Variants in TRIM9 observed in about 807,000 individuals in gnomAD.
TRIM9 encodes E3 ubiquitin-protein ligase TRIM9.
Under a neutral mutation model 78.3 loss-of-function variants are expected in TRIM9, and 26 were observed. The observed-to-expected ratio is 0.33, with a 90% CI of 0.24 to 0.46. The LOEUF (loss-of-function observed/expected upper bound fraction) is 0.46, where lower values mean the gene tolerates loss of function less well. TRIM9 is among the 20% of genes least tolerant of loss of function. The pLI, the probability that TRIM9 is intolerant of heterozygous loss-of-function variation, is 1.00. For missense variants in TRIM9, 787 were observed against 1,036.4 expected (o/e 0.76, Z 3.30); for synonymous variants, 398 against 416.5 (o/e 0.96, Z 0.54).
Position 51,094,936 on chromosome 14 carries a change from C to T in TRIM9, c.4G>A (p.Glu2Lys). 1 of 1,483,350 alleles carries T rather than the reference C, an allele frequency of 6.7e-7. No individual in the cohort carries two copies. Among genetic ancestry groups the T allele is most frequent in the Non-Finnish European group, 9.0e-7 (1 of 1,117,074 alleles). The allele number at this position is 1,483,350 out of a possible 1,614,324, so 91.9% of individuals were successfully genotyped here. A position where few individuals can be genotyped will look rare whatever the true frequency, so the allele number is the denominator to read the frequency against. The change falls in exon 1 of 13, where the codon GAG becomes AAG. Residue 2 changes from glutamate (E) to lysine (K), a missense_variant. Transcript: ENST00000684578. ...CATTTCAACTCCTCTTCCATCTCCT[C>T]CATGGGGACCGGTCTGGGAGGAGAC... MEEMEEELKCPV... is the reference protein window; with the variant it reads MKEMEEELKCPV...
chr14:51,027,349 G>A (rs2058345872), intron 1 of TRIM9, among the ~76,000 whole-genome samples: 1 of 151,856 alleles, frequency 6.6e-6, no homozygotes, highest in Non-Finnish European at 1.5e-5. Flanking sequence ...TCTCCATGTT[G>A]GCCAGGCTGG....
At chr14:51,025,419 A>ACACAGGT in intron 1 of TRIM9, 59 bp from the exon 2 acceptor site, 27 of 1,441,822 alleles carry the variant, frequency 1.9e-5, no homozygotes, top group Admixed American at 7.0e-5. Context: ...CAACAAGGCC[A>ACACAGGT]GCGAGACTCA....
At chr14:51,015,599 A>C (rs2139690391) in intron 3 of TRIM9, among the ~76,000 whole-genome samples, 1 of 136,410 alleles carries the variant, frequency 7.3e-6, no homozygotes, top group South Asian at 2.3e-4. Context: ...CCACAGCCTC[A>C]ACCTCCTGGG....
At chr14:51,016,634 A>G (rs1425140977) in intron 3 of TRIM9, among the ~76,000 whole-genome samples, 3 of 152,058 alleles carry the variant, frequency 2.0e-5, no homozygotes, top group Non-Finnish European at 2.9e-5. Context: ...ATGCCATTTT[A>G]TATCAGGGAT....
At chr14:51,016,870 T>A (rs1387992048) in intron 3 of TRIM9, among the ~76,000 whole-genome samples, 2 of 152,220 alleles carry the variant, frequency 1.3e-5, no homozygotes, top group African/African-American at 4.8e-5. Context: ...GTTGGTTGAA[T>A]TCATGGATGC....
intron 1 of TRIM9, among the ~76,000 whole-genome samples, chr14:51,071,965 G>A (rs915673794): frequency 9.9e-5 from 15 of 152,220 alleles, no homozygotes; most frequent in African/African-American, 1.7e-4. Flanking sequence ...CCCGGACTCA[G>A]CAGCGTGAGG....
At chr14:50,987,502 GA>G (rs1388952350) in intron 7 of TRIM9, among the ~76,000 whole-genome samples, 1 of 152,188 alleles carries the variant, frequency 6.6e-6, no homozygotes, top group African/African-American at 2.4e-5. Flanking sequence ...CAGAGAAAAG[GA>G]ATTGCTATTT....
At chr14:50,987,948 G>A (rs942982095) in intron 7 of TRIM9, among the ~76,000 whole-genome samples, 7 of 152,046 alleles carry the variant, frequency 4.6e-5, no homozygotes, top group South Asian at 2.1e-4. Flanking sequence ...CTACAGGCGT[G>A]AGCCATCACG....
chr14:51,027,805 AT>A (rs537690883), intron 1 of TRIM9, among the ~76,000 whole-genome samples: 8 of 151,176 alleles, frequency 5.3e-5, no homozygotes, highest in South Asian at 4.2e-4. Flanking sequence ...TAAAGAAGAA[AT>A]TTTTTTTCAT....
At chr14:51,006,311 CAT>C (rs1161411305) in intron 5 of TRIM9, among the ~76,000 whole-genome samples, 2 of 152,168 alleles carry the variant, frequency 1.3e-5, no homozygotes, top group African/African-American at 4.8e-5. Flanking sequence ...AGTTTCTTGA[CAT>C]ATTTTTTACT....
chr14:51,012,931 T>C (rs1458944520), intron 3 of TRIM9, among the ~76,000 whole-genome samples: 1 of 152,242 alleles, frequency 6.6e-6, no homozygotes, highest in East Asian at 1.9e-4. Context: ...TCTTTATATA[T>C]TCTGGATATC....
intron 1 of TRIM9, among the ~76,000 whole-genome samples, chr14:51,039,807 C>T (rs1465188724): frequency 3.3e-5 from 5 of 151,506 alleles, no homozygotes; most frequent in East Asian, 1.9e-4. Flanking sequence ...AGTGCAGTGG[C>T]GCGATCTCAG....
At chr14:50,987,509 T>C (rs1427245738) in intron 7 of TRIM9, among the ~76,000 whole-genome samples, 5 of 152,240 alleles carry the variant, frequency 3.3e-5, no homozygotes, top group Non-Finnish European at 4.4e-5. Context: ...AAGGAATTGC[T>C]ATTTATGGAG....
Position 50,992,414 on chromosome 14 carries a change from C to T in TRIM9, c.1603+5636G>A, listed in dbSNP as rs573786574. On this transcript the variant is annotated intron_variant, in intron 7 of 12. Transcript: ENST00000684578. ...GCAACATAGTGAGACCCTGTCTCTA[C>T]GGAAAAAAAAAAAAGCCAGGTGTGG... Among the ~76,000 whole-genome samples the T allele has an allele frequency of 1.9e-4, 25 of 130,634 alleles. 1 individual carries two copies. Among genetic ancestry groups the T allele is most frequent in the African/African-American group, 4.2e-4 (15 of 35,998 alleles). The allele number at this position is 130,634 out of a possible 152,430, so 85.7% of individuals were successfully genotyped here. A position where few individuals can be genotyped will look rare whatever the true frequency, so the allele number is the denominator to read the frequency against.
At chr14:50,994,572 T>C (rs1008400269) in intron 7 of TRIM9, among the ~76,000 whole-genome samples, 3 of 152,172 alleles carry the variant, frequency 2.0e-5, no homozygotes, top group African/African-American at 4.8e-5. Context: ...TCTACTTAGA[T>C]AGGAAGAGGG....
chr14:51,027,388 C>G (rs1223271418), intron 1 of TRIM9, among the ~76,000 whole-genome samples: 7 of 152,104 alleles, frequency 4.6e-5, no homozygotes, highest in Admixed American at 4.6e-4. Context: ...AGGTGATCCA[C>G]CCACCTCGAC....
rs940612132 is a variant in TRIM9 at position 51,095,049 on chromosome 14, T to C, written c.-110A>G. 5.3e-6 allele frequency: 4 copies of C among 751,922 alleles called. No homozygotes were observed. In the African/African-American group the frequency reaches 5.3e-5, roughly 10 times the overall value. The allele number at this position is 751,922 out of a possible 1,614,324, so 46.6% of individuals were successfully genotyped here. ...CCCTGGCCAGCGGCGGCGGCTGTGG[T>C]GGTGGTGCCTTCCCGCGCAGCACTG... On this transcript the variant is annotated 5_prime_UTR_variant, in exon 1 of 13. Transcript: ENST00000684578.
intron 1 of TRIM9, among the ~76,000 whole-genome samples, chr14:51,051,737 C>T (rs28465677): frequency 0.01 from 1,591 of 152,126 alleles, 24 homozygotes; most frequent in African/African-American, 0.036. Context: ...GAGGCTGAGG[C>T]GGGTAGATCA....
chr14:51,055,730 T>C (rs1393491408), intron 1 of TRIM9, among the ~76,000 whole-genome samples: 1 of 152,246 alleles, frequency 6.6e-6, no homozygotes, highest in Non-Finnish European at 1.5e-5. Flanking sequence ...GTCAGACTTC[T>C]AGCCTACAGA....
Sources: gnomAD v4.1 joint callset for allele counts (sites outside exome capture counted in the v4.1 genomes callset) on GRCh38, gnomAD v4.1.1 for gene constraint, MANE v1.5 for transcripts, NCBI Gene and HGNC (gene_info 2026-07-23, HGNC 2026-07-21) for gene names.